The following MCTP1 variants were observed in gnomAD, a reference collection of about 807,000 sequenced individuals.
MCTP1 encodes the protein multiple C2 and transmembrane domain-containing protein 1.
Under a neutral mutation model 120.6 loss-of-function variants are expected in MCTP1, and 69 were observed. The observed-to-expected ratio is 0.57, with a 90% CI of 0.47 to 0.70. MCTP1 has a LOEUF of 0.70. Among genes scored for constraint, MCTP1 ranks in the 30% least tolerant of loss-of-function variants. MCTP1 has a pLI of 0.00. For synonymous variants in MCTP1, 529 were observed against 493.1 expected (o/e 1.07, Z -0.96); for missense variants, 1,203 against 1,248.8 (o/e 0.96, Z 0.55).
chr5:94,981,437 T>C (rs1195701594), intron 2 of MCTP1, among the ~76,000 whole-genome samples: 1 of 152,186 alleles, frequency 6.6e-6, no homozygotes, highest in African/African-American at 2.4e-5. Context: ...TGATTTTCCT[T>C]TCCTGAAATA....
Position 95,259,152 on chromosome 5 carries a change from C to T in MCTP1, c.720+24704G>A, listed in dbSNP as rs72779500. ...AGCCAACCACAGTCAATGTTGACTA[C>T]GCGTCAAGTTGCCAGAGGCCACAGG... On this transcript the variant is annotated intron_variant, in intron 1 of 22. Coordinates refer to ENST00000515393, the MANE Select transcript of MCTP1 (RefSeq NM_024717.7). Among the ~76,000 whole-genome samples, 1,032 of 152,238 alleles carry T rather than the reference C, an allele frequency of 6.8e-3. 2 individuals are homozygous for T. The highest frequency in any genetic ancestry group is 0.011 in the Non-Finnish European group (741 of 68,018).
At chr5:95,119,873 T>C (rs1349629465) in intron 1 of MCTP1, among the ~76,000 whole-genome samples, 2 of 152,034 alleles carry the variant, frequency 1.3e-5, no homozygotes, top group African/African-American at 2.4e-5. Flanking sequence ...AAAGCCATAA[T>C]AGAAAGAGTC....
intron 1 of MCTP1, among the ~76,000 whole-genome samples, chr5:95,056,242 T>C (rs1156260566): frequency 2.6e-5 from 4 of 152,246 alleles, no homozygotes; most frequent in Non-Finnish European, 5.9e-5. Context: ...TGAAGAGTGC[T>C]TATACTTAAA....
chr5:94,853,079 T>G (rs1222527324), intron 17 of MCTP1, among the ~76,000 whole-genome samples: 1 of 151,996 alleles, frequency 6.6e-6, no homozygotes, highest in Non-Finnish European at 1.5e-5. Context: ...GGCTATTGTT[T>G]GTGAATCCAA....
At chr5:95,206,060 C>T (rs1294327184) in intron 1 of MCTP1, among the ~76,000 whole-genome samples, 1 of 152,060 alleles carries the variant, frequency 6.6e-6, no homozygotes, top group African/African-American at 2.4e-5. Flanking sequence ...AATAAAAACA[C>T]ATGTACAAAT....
intron 20 of MCTP1, 43 bp from the exon 21 acceptor site, chr5:94,710,970 C>G (rs758652865): frequency 1.5e-6 from 2 of 1,320,872 alleles, no homozygotes; most frequent in Admixed American, 1.8e-5. Context: ...GTACTTCATA[C>G]TTTTTTCAAA....
chr5:95,207,928 C>A (rs866500526), intron 1 of MCTP1, among the ~76,000 whole-genome samples: 6 of 84,602 alleles, frequency 7.1e-5, no homozygotes, highest in African/African-American at 2.1e-4. Flanking sequence ...AATGAGCGGG[C>A]GAGAGAGAGA....
intron 6 of MCTP1, among the ~76,000 whole-genome samples, chr5:94,928,323 C>A (rs558189550): frequency 2.0e-5 from 3 of 151,798 alleles, no homozygotes; most frequent in Non-Finnish European, 2.9e-5. Flanking sequence ...TGGCTTGGCC[C>A]CACAAAATGT....
intron 3 of MCTP1, 65 bp downstream of exon 3, chr5:94,953,145 GAAACATGAT>G (rs1821051501): frequency 2.2e-6 from 3 of 1,381,830 alleles, no homozygotes; most frequent in Admixed American, 4.6e-5. Context: ...ATCAGACAAA[GAAACATGAT>G]AAAACCCAGT....
intron 2 of MCTP1, among the ~76,000 whole-genome samples, chr5:94,977,965 A>G (rs2153588592): frequency 6.6e-6 from 1 of 152,272 alleles, no homozygotes; most frequent in African/African-American, 2.4e-5. Context: ...ATATCTGCAA[A>G]TCATATATCA....
At chr5:94,869,421 G>A (rs1258254669) in intron 16 of MCTP1, among the ~76,000 whole-genome samples, 1 of 151,902 alleles carries the variant, frequency 6.6e-6, no homozygotes, top group Non-Finnish European at 1.5e-5. Flanking sequence ...ATTCCTTGCT[G>A]GCAAAGTAGA....
intron 21 of MCTP1, chr5:94,709,537 T>G (rs1756015735): frequency 6.6e-6 from 1 of 152,080 alleles, no homozygotes; most frequent in Non-Finnish European, 1.5e-5. Context: ...AAGGCAGGTC[T>G]GACCCTAGGT....
chr5:94,753,721 T>C (rs528325765), intron 19 of MCTP1, among the ~76,000 whole-genome samples: 372 of 152,338 alleles, frequency 2.4e-3, no homozygotes, highest in Non-Finnish European at 4.4e-3. Context: ...TACCCAGTAT[T>C]GAAACTACCT....
intron 1 of MCTP1, among the ~76,000 whole-genome samples, chr5:95,265,774 A>G (rs553109305): frequency 2.0e-5 from 3 of 152,258 alleles, no homozygotes; most frequent in East Asian, 3.9e-4. Context: ...CTCCCCATCT[A>G]AGAGAAAAAA....
intron 8 of MCTP1, among the ~76,000 whole-genome samples, chr5:94,916,168 G>A (rs559815115): frequency 2.0e-5 from 3 of 152,268 alleles, no homozygotes; most frequent in Non-Finnish European, 2.9e-5. Context: ...TCATGAAACT[G>A]TTAAATATTT....
chr5:94,848,666 T>A (rs1484603691), intron 17 of MCTP1, among the ~76,000 whole-genome samples: 1 of 152,068 alleles, frequency 6.6e-6, no homozygotes, highest in East Asian at 1.9e-4. Flanking sequence ...AGTTGAAGTT[T>A]TATTGACAAA....
intron 1 of MCTP1, among the ~76,000 whole-genome samples, chr5:95,022,481 TG>T (rs1838388482): frequency 6.6e-6 from 1 of 152,188 alleles, no homozygotes; most frequent in South Asian, 2.1e-4. Flanking sequence ...CTATCTCAAA[TG>T]TCATATTTGT....
chr5:95,021,353 A>C (rs1430617756), intron 1 of MCTP1, among the ~76,000 whole-genome samples: 1 of 152,086 alleles, frequency 6.6e-6, no homozygotes, highest in Non-Finnish European at 1.5e-5. Context: ...AGTTTCCAAA[A>C]ATGAAACAAA....
chr5:95,095,873 C>G (rs1193212063), intron 1 of MCTP1, among the ~76,000 whole-genome samples: 1 of 151,880 alleles, frequency 6.6e-6, no homozygotes. Context: ...AGGCGGTGAC[C>G]GTGTATTTGA....
Sources: allele counts gnomAD v4.1 joint callset (sites outside exome capture counted in the v4.1 genomes callset), GRCh38; gene constraint gnomAD v4.1.1; transcripts MANE v1.5; gene names NCBI Gene and HGNC (gene_info 2026-07-23, HGNC 2026-07-21).